DENND5A: variants seen among roughly 807,000 people sequenced by gnomAD.
The protein encoded by DENND5A is DENN domain-containing protein 5A.
DENND5A carries 64 observed loss-of-function variants against 140.3 expected under a neutral mutation model. The ratio of observed to expected loss-of-function variants is 0.46; its 90% confidence interval spans 0.37 to 0.56. The LOEUF (loss-of-function observed/expected upper bound fraction) is 0.56, where lower values mean the gene tolerates loss of function less well. Among genes scored for constraint, DENND5A ranks in the 20% least tolerant of loss-of-function variants. DENND5A has a pLI of 0.00. For synonymous variants in DENND5A, 605 were observed against 607.7 expected (o/e 1.00, Z 0.07); for missense variants, 1,292 against 1,593.8 (o/e 0.81, Z 3.22).
chr11:9,148,882 G>T (rs1847518536), intron 15 of DENND5A, among the ~76,000 whole-genome samples: 1 of 152,198 alleles, frequency 6.6e-6, no homozygotes, highest in Non-Finnish European at 1.5e-5. Flanking sequence ...ATGAGAATTG[G>T]GTGAGATCAC....
At chr11:9,240,128 C>T (rs1486433606) in intron 1 of DENND5A, among the ~76,000 whole-genome samples, 2 of 152,162 alleles carry the variant, frequency 1.3e-5, no homozygotes, top group East Asian at 1.9e-4. Flanking sequence ...TGATCCTAGG[C>T]TGGGCGTGGT....
At chr11:9,165,447 AT>A (rs34748028) in intron 11 of DENND5A, among the ~76,000 whole-genome samples, 43 of 150,416 alleles carry the variant, frequency 2.9e-4, no homozygotes, top group Admixed American at 1.7e-3. Flanking sequence ...TATATTAACG[AT>A]TTTTTTTTTA....
At chr11:9,162,233 CTTTTTTTTTTTTTTT>C (rs1221675349) in intron 11 of DENND5A, among the ~76,000 whole-genome samples, 1 of 97,334 alleles carries the variant, frequency 1.0e-5, no homozygotes, top group Non-Finnish European at 2.0e-5. Context: ...CCAGTTCCTT[CTTTTTTTTTTTTTTT>C]TTTTTTTGAG....
In DENND5A at chr11:9,150,158, T is replaced by C. The variant is rs141251799; in HGVS notation, c.2658A>G (p.Ala886=). ...EIKTDVGKAR[A]WVRLSMEKKL... Reference sequence around the variant, plus strand: ...TTTTTTCCATGGACAGTCGCACCCATGCTCTGGCCTTTCCCACATCAGTCT... The same window carrying C: ...TTTTTTCCATGGACAGTCGCACCCACGCTCTGGCCTTTCCCACATCAGTCT... Residue 886 remains alanine, a synonymous_variant, in exon 15 of 23, where the codon GCA becomes GCG. Coordinates refer to ENST00000328194, the MANE Select transcript of DENND5A (RefSeq NM_015213.4). The C allele has an allele frequency of 6.1e-5, 98 of 1,614,040 alleles. No individual in the cohort carries two copies. In the African/African-American group the frequency reaches 1.3e-3, roughly 21 times the overall value.
At chr11:9,255,123 T>C (rs1055708785) in intron 1 of DENND5A, among the ~76,000 whole-genome samples, 4 of 152,216 alleles carry the variant, frequency 2.6e-5, no homozygotes, top group South Asian at 4.2e-4. Flanking sequence ...ATCTTTGTCT[T>C]CTAGGATATG....
chr11:9,169,131 G>A (rs1848282759), intron 10 of DENND5A, among the ~76,000 whole-genome samples: 1 of 152,226 alleles, frequency 6.6e-6, no homozygotes, highest in South Asian at 2.1e-4. Flanking sequence ...AGAAACAGTA[G>A]GAAAAAAACT....
chr11:9,143,209 C>A, intron 20 of DENND5A, 194 bp downstream of exon 20: 1 of 641,214 alleles, frequency 1.6e-6, no homozygotes, highest in Non-Finnish European at 2.7e-6. Context: ...GGAGGGAAAA[C>A]AGGGTAACCT....
At chr11:9,169,528 C>CACACAA (rs1554916424) in intron 10 of DENND5A, among the ~76,000 whole-genome samples, 5 of 150,272 alleles carry the variant, frequency 3.3e-5, no homozygotes, top group African/African-American at 9.9e-5. Context: ...CACACACACA[C>CACACAA]AAAACTCACA....
Position 9,169,896 on chromosome 11 carries a change from T to C in DENND5A, c.2111A>G (p.Gln704Arg). 6.2e-7 allele frequency: 1 copy of C among 1,613,922 alleles called. No individual in the cohort carries two copies. The highest frequency in any genetic ancestry group is 8.5e-7 in the Non-Finnish European group (1 of 1,179,748). The change falls in exon 10 of 23, where the codon CAG becomes CGG. Residue 704 changes from glutamine to arginine, a missense_variant. Gln to Arg is a conservative substitution (Grantham distance 43). Around this residue, in one of 4 missense-constraint regions of DENND5A, gnomAD observed 199 missense variants for 189.1 expected, o/e 1.05. Transcript: ENST00000328194. ...ATCTAAACGCAGGTGTTCTGTGTGC[T>C]GCTTCTGCCGATCTTTCCGCCTCCA... Reference protein sequence around the residue: ...AQWRRKDRQKQHTEHLRLDND... With the variant: ...AQWRRKDRQKRHTEHLRLDND...
intron 11 of DENND5A, among the ~76,000 whole-genome samples, chr11:9,164,711 T>C (rs934496768): frequency 1.4e-4 from 21 of 152,204 alleles, no homozygotes; most frequent in African/African-American, 4.3e-4. Flanking sequence ...ACCCAGTAAA[T>C]TTCTGTTTCT....
intron 11 of DENND5A, among the ~76,000 whole-genome samples, chr11:9,163,309 A>G (rs1848053776): frequency 6.6e-6 from 1 of 152,158 alleles, no homozygotes; most frequent in African/African-American, 2.4e-5. Context: ...TCATCATACC[A>G]ATTTATACTT....
chr11:9,177,497 A>AT (rs112442431), intron 8 of DENND5A, among the ~76,000 whole-genome samples: 2 of 149,330 alleles, frequency 1.3e-5, no homozygotes, highest in South Asian at 2.2e-4. Context: ...AAAAAAAAAA[A>AT]TTTTTTAATT....
At chr11:9,165,549 C>A (rs1357916288) in intron 11 of DENND5A, among the ~76,000 whole-genome samples, 1 of 152,112 alleles carries the variant, frequency 6.6e-6, no homozygotes, top group East Asian at 1.9e-4. Context: ...AAGCAATCCT[C>A]CCACTTCAAC....
intron 22 of DENND5A, among the ~76,000 whole-genome samples, chr11:9,141,658 A>C (rs1327369731): frequency 6.6e-6 from 1 of 152,242 alleles, no homozygotes; most frequent in East Asian, 1.9e-4. Flanking sequence ...GTACCTAAAC[A>C]TCTCAACCTA....
At chr11:9,156,228 G>A (rs182949194) in intron 12 of DENND5A, among the ~76,000 whole-genome samples, 51 of 152,242 alleles carry the variant, frequency 3.3e-4, no homozygotes, top group Non-Finnish European at 6.6e-4. Flanking sequence ...GAGCATTAAC[G>A]CCATGCCAGC....
chr11:9,159,000 C>T (rs1189422240), intron 12 of DENND5A, among the ~76,000 whole-genome samples: 1 of 152,172 alleles, frequency 6.6e-6, no homozygotes, highest in Non-Finnish European at 1.5e-5. Flanking sequence ...CATTAGTAGT[C>T]ACTTCCCATT....
chr11:9,237,374 A>G (rs1378619059), intron 1 of DENND5A, among the ~76,000 whole-genome samples: 2 of 152,110 alleles, frequency 1.3e-5, no homozygotes, highest in African/African-American at 4.8e-5. Context: ...GTGAGGCAAG[A>G]TTGTACCACT....
chr11:9,247,060 T>A (rs1322034410), intron 1 of DENND5A, among the ~76,000 whole-genome samples: 4 of 152,034 alleles, frequency 2.6e-5, no homozygotes, highest in Non-Finnish European at 5.9e-5. Context: ...AAACCCCGTC[T>A]CTACTAAAAA....
At chr11:9,149,607 G>A (rs972277917) in intron 15 of DENND5A, among the ~76,000 whole-genome samples, 6 of 152,190 alleles carry the variant, frequency 3.9e-5, no homozygotes, top group African/African-American at 1.2e-4. Context: ...TGTGGACAGG[G>A]ACTAGGGTCA....
Sources: allele counts gnomAD v4.1 joint callset (sites outside exome capture counted in the v4.1 genomes callset), GRCh38; gene constraint gnomAD v4.1.1; regional missense constraint gnomAD v4.1.1; transcripts MANE v1.5; gene names NCBI Gene and HGNC (gene_info 2026-07-23, HGNC 2026-07-21).